MTUS2: variants seen among roughly 807,000 people sequenced by gnomAD.
MTUS2 encodes the protein microtubule associated scaffold protein 2.
Under a neutral mutation model 114.1 loss-of-function variants are expected in MTUS2, and 40 were observed. That is an observed-to-expected ratio of 0.35 (90% CI 0.27 to 0.46). MTUS2 has a LOEUF of 0.46. Ranked by LOEUF, MTUS2 falls within the 20% of genes least tolerant of loss-of-function variation. MTUS2 has a pLI of 1.00. For synonymous variants in MTUS2, 688 were observed against 672.0 expected, an observed-to-expected ratio of 1.02 and a Z score of -0.37; for missense variants, 1,679 against 1,705.4, an observed-to-expected ratio of 0.98 and a Z score of 0.27.
intron 2 of MTUS2, among the ~76,000 whole-genome samples, chr13:28,986,453 T>C (rs1228206278): frequency 6.6e-6 from 1 of 152,192 alleles, no homozygotes; most frequent in Non-Finnish European, 1.5e-5. Flanking sequence ...CACTTAGTTG[T>C]ATTAAACATG....
chr13:29,423,065 T>C (rs1422547084), intron 8 of MTUS2, among the ~76,000 whole-genome samples: 1 of 152,216 alleles, frequency 6.6e-6, no homozygotes, highest in Non-Finnish European at 1.5e-5. Flanking sequence ...CCTCCCTACA[T>C]GGCCCTTAGC....
chr13:28,906,068 G>T (rs376567349), intron 2 of MTUS2, among the ~76,000 whole-genome samples: 12 of 151,490 alleles, frequency 7.9e-5, no homozygotes, highest in Admixed American at 5.9e-4. Context: ...TTCTCTGATG[G>T]TAGTTTATAT....
chr13:29,222,518 T>C (rs1231795994), intron 5 of MTUS2, among the ~76,000 whole-genome samples: 1 of 152,246 alleles, frequency 6.6e-6, no homozygotes, highest in African/African-American at 2.4e-5. Flanking sequence ...CAAGTGAATA[T>C]GCTATATCTT....
chr13:28,854,091 G>A (rs995472501), intron 2 of MTUS2, among the ~76,000 whole-genome samples: 6 of 152,182 alleles, frequency 3.9e-5, no homozygotes, highest in East Asian at 1.9e-4. Flanking sequence ...TATTCAAAGC[G>A]TGGTCTGCAA....
At chr13:29,325,465 A>AG (rs1593304544) in intron 7 of MTUS2, among the ~76,000 whole-genome samples, 1 of 104,646 alleles carries the variant, frequency 9.6e-6, no homozygotes, top group Admixed American at 1.1e-4. Context: ...CAAAAAAAAA[A>AG]AAAAAGAAAA....
intron 8 of MTUS2, among the ~76,000 whole-genome samples, chr13:29,392,145 CCA>C (rs1566176506): frequency 1.2e-4 from 2 of 16,220 alleles, no homozygotes; most frequent in Admixed American, 1.3e-3. Flanking sequence ...AAAAAACAAA[CCA>C]AAAAAAAAAA....
rs138439063 is a variant in MTUS2, at chr13:29,101,668, A to G, written c.2644+698A>G. On this transcript the variant is annotated intron_variant, in intron 5 of 15. Coordinates refer to ENST00000612955, the MANE Select transcript of MTUS2 (RefSeq NM_001033602.4). ...CCATCTCAGTCACCACTTCAAAGTC[A>G]ATGTTATTGGATGGGAAACCATGAC... 3.9e-3 allele frequency among the ~76,000 whole-genome samples: 598 copies of G among 152,304 alleles called. 3 individuals are homozygous for G. Among genetic ancestry groups the G allele is most frequent in the African/African-American group, 0.014 (572 of 41,574 alleles).
intron 5 of MTUS2, among the ~76,000 whole-genome samples, chr13:29,248,209 G>A (rs1242472611): frequency 6.6e-6 from 1 of 152,168 alleles, no homozygotes; most frequent in African/African-American, 2.4e-5. Flanking sequence ...AGGATGCAAA[G>A]GTGTAAGAAT....
At chr13:29,158,073 C>T (rs191322888) in intron 5 of MTUS2, among the ~76,000 whole-genome samples, 2 of 152,288 alleles carry the variant, frequency 1.3e-5, no homozygotes, top group African/African-American at 4.8e-5. Context: ...TAATCGTCTC[C>T]TTACTGACTG....
chr13:29,202,075 C>T (rs1173238754), intron 5 of MTUS2, among the ~76,000 whole-genome samples: 1 of 152,114 alleles, frequency 6.6e-6, no homozygotes, highest in Non-Finnish European at 1.5e-5. Flanking sequence ...AGGAAGTTCT[C>T]CTGAATAATA....
chr13:29,212,845 T>G (rs1360263456), intron 5 of MTUS2, among the ~76,000 whole-genome samples: 1 of 152,184 alleles, frequency 6.6e-6, no homozygotes, highest in Non-Finnish European at 1.5e-5. Context: ...TTAGGAATTT[T>G]TATAAGGCTC....
intron 4 of MTUS2, among the ~76,000 whole-genome samples, chr13:29,072,638 A>G (rs1888995000): frequency 6.6e-6 from 1 of 152,226 alleles, no homozygotes; most frequent in Non-Finnish European, 1.5e-5. Context: ...ATCAGAAAAC[A>G]TGATTCAACT....
At chr13:29,335,058 C>T (rs1050841392) in intron 7 of MTUS2, among the ~76,000 whole-genome samples, 6 of 152,168 alleles carry the variant, frequency 3.9e-5, no homozygotes, top group Non-Finnish European at 5.9e-5. Context: ...GGGAGATAAC[C>T]TTAAAGTCTG....
At chr13:28,849,983 C>T (rs1255634974) in intron 2 of MTUS2, among the ~76,000 whole-genome samples, 1 of 152,132 alleles carries the variant, frequency 6.6e-6, no homozygotes, top group Non-Finnish European at 1.5e-5. Flanking sequence ...AGATTCCATT[C>T]TATAGAAACC....
At chr13:29,360,697 C>CG (rs1203974153) in intron 8 of MTUS2, among the ~76,000 whole-genome samples, 4 of 140,314 alleles carry the variant, frequency 2.9e-5, no homozygotes, top group Non-Finnish European at 6.3e-5. Flanking sequence ...CACCCCCCCC[C>CG]CCCCGTAAGA....
At chr13:28,835,744 G>T (rs1399399752) in intron 1 of MTUS2, among the ~76,000 whole-genome samples, 2 of 152,142 alleles carry the variant, frequency 1.3e-5, no homozygotes, top group African/African-American at 2.4e-5. Context: ...GCTCTGCCTT[G>T]CCCTGGTCCT....
At chr13:28,852,077 C>T (rs1876314403) in intron 2 of MTUS2, among the ~76,000 whole-genome samples, 1 of 152,156 alleles carries the variant, frequency 6.6e-6, no homozygotes, top group Admixed American at 6.5e-5. Context: ...TTTCCTGTCT[C>T]AGGGGTTGCA....
intron 5 of MTUS2, among the ~76,000 whole-genome samples, chr13:29,252,228 C>T (rs931629473): frequency 3.9e-5 from 6 of 152,108 alleles, no homozygotes; most frequent in Non-Finnish European, 8.8e-5. Context: ...AAGTAATCCC[C>T]TTTCTACAAA....
intron 4 of MTUS2, among the ~76,000 whole-genome samples, chr13:29,036,862 G>A (rs1263998630): frequency 6.8e-6 from 1 of 146,370 alleles, no homozygotes. Context: ...CATTTGCTTG[G>A]TAAATATTCC....
Sources: gnomAD v4.1 joint callset for allele counts (sites outside exome capture counted in the v4.1 genomes callset) on GRCh38, gnomAD v4.1.1 for gene constraint, MANE v1.5 for transcripts, NCBI Gene and HGNC (gene_info 2026-07-23, HGNC 2026-07-21) for gene names.